The following TMIGD3 variants were observed in gnomAD, a reference collection of about 807,000 sequenced individuals.
TMIGD3 encodes the protein transmembrane and immunoglobulin domain containing 3, also known as AD026 protein (AD026).
In TMIGD3, 21 loss-of-function variants were observed where a neutral mutation model predicts 28.1. The ratio of observed to expected loss-of-function variants is 0.75; its 90% CI spans 0.53 to 1.08. TMIGD3 has a LOEUF of 1.08. Among genes scored for constraint, TMIGD3 ranks in the 50% least tolerant of loss-of-function variants. The pLI is 0.00. For synonymous variants in TMIGD3, 151 were observed against 162.1 expected, an observed-to-expected ratio of 0.93 and a Z score of 0.52; for missense variants, 416 against 435.6, an observed-to-expected ratio of 0.96 and a Z score of 0.40.
chr1:111,531,022 T>G (rs935641398), intron 1 of TMIGD3, among the ~76,000 whole-genome samples: 2 of 152,216 alleles, frequency 1.3e-5, no homozygotes, highest in Non-Finnish European at 2.9e-5. Flanking sequence ...CTTTTAAACA[T>G]TCTTTTAGGC....
chr1:111,537,843 A>G (rs1002219663), intron 1 of TMIGD3, among the ~76,000 whole-genome samples: 4 of 152,194 alleles, frequency 2.6e-5, no homozygotes, highest in African/African-American at 7.2e-5. Flanking sequence ...AATATGAAAC[A>G]TATGGGGGCT....
Position 111,485,726 on chromosome 1 carries a change from C to CAAAAAAAAAA in TMIGD3, c.973+13_973+14insTTTTTTTTTT. The CAAAAAAAAAA allele has an allele frequency of 1.2e-6, 1 of 850,658 alleles. No homozygotes were observed. The highest frequency in any genetic ancestry group is 1.9e-6 in the Non-Finnish European group (1 of 522,908). The allele number at this position is 850,658 out of a possible 1,614,324, so 52.7% of individuals were successfully genotyped here. A position where few individuals can be genotyped will look rare whatever the true frequency, so the allele number is the denominator to read the frequency against. On this transcript the variant is annotated intron_variant, in intron 5 of 5. Transcript: ENST00000369716. ...AATTCTTGCCCACCCCCTCCCTCAA[C>CAAAAAAAAAA]AATAGCTACTTACCCCTTCTATTCC...
chr1:111,509,032 T>C (rs1187311338), intron 1 of TMIGD3, among the ~76,000 whole-genome samples: 1 of 151,754 alleles, frequency 6.6e-6, no homozygotes, highest in Non-Finnish European at 1.5e-5. Context: ...GAGGCGGAGG[T>C]TGCAGTGAGG....
At chr1:111,516,945 T>C (rs1229229415) in intron 1 of TMIGD3, among the ~76,000 whole-genome samples, 1 of 152,240 alleles carries the variant, frequency 6.6e-6, no homozygotes, top group Non-Finnish European at 1.5e-5. Flanking sequence ...CTTATCTAAA[T>C]AGAGCTGTTT....
chr1:111,524,675 G>A (rs1003633338), intron 1 of TMIGD3, among the ~76,000 whole-genome samples: 7 of 151,910 alleles, frequency 4.6e-5, no homozygotes, highest in Middle Eastern at 3.4e-3. Flanking sequence ...GCTGGAGTGC[G>A]GTGGCATGAT....
chr1:111,490,151 T>C (rs1237615840), intron 2 of TMIGD3, among the ~76,000 whole-genome samples: 1 of 152,080 alleles, frequency 6.6e-6, no homozygotes, highest in Non-Finnish European at 1.5e-5. Context: ...AAGGCCAGTG[T>C]TCCAAGTCTC....
At chr1:111,519,881 T>A (rs1655997250) in intron 1 of TMIGD3, among the ~76,000 whole-genome samples, 1 of 151,918 alleles carries the variant, frequency 6.6e-6, no homozygotes, top group South Asian at 2.1e-4. Context: ...TTAATAGAGA[T>A]GGGGTTTCAC....
chr1:111,513,378 G>A (rs1655755183), intron 1 of TMIGD3, among the ~76,000 whole-genome samples: 1 of 152,228 alleles, frequency 6.6e-6, no homozygotes, highest in Admixed American at 6.5e-5. Flanking sequence ...GGAGGCACAT[G>A]AGGCCAGTAA....
intron 1 of TMIGD3, among the ~76,000 whole-genome samples, chr1:111,526,832 A>G (rs954330082): frequency 5.3e-5 from 8 of 152,036 alleles, no homozygotes; most frequent in African/African-American, 1.9e-4. Flanking sequence ...CCATCTTTTC[A>G]TCCCTCCCTG....
chr1:111,526,951 CT>C (rs1656285596), intron 1 of TMIGD3, among the ~76,000 whole-genome samples: 1 of 143,320 alleles, frequency 7.0e-6, no homozygotes, highest in South Asian at 2.2e-4. Context: ...CAGTATGTAG[CT>C]TTTTTAGATA....
At chr1:111,527,032 A>G (rs1165858125) in intron 1 of TMIGD3, among the ~76,000 whole-genome samples, 1 of 64,182 alleles carries the variant, frequency 1.6e-5, no homozygotes, top group Non-Finnish European at 2.8e-5. Flanking sequence ...TTTTTTTGAG[A>G]CTGAGTCTTG....
At chr1:111,521,136 T>C (rs1656046534) in intron 1 of TMIGD3, among the ~76,000 whole-genome samples, 1 of 152,232 alleles carries the variant, frequency 6.6e-6, no homozygotes, top group African/African-American at 2.4e-5. Context: ...ATTGTTAATG[T>C]TGAGTAGGAT....
At chr1:111,526,600 G>A (rs183569526) in intron 1 of TMIGD3, among the ~76,000 whole-genome samples, 2 of 152,144 alleles carry the variant, frequency 1.3e-5, no homozygotes, top group Non-Finnish European at 2.9e-5. Flanking sequence ...CATGAGAGTG[G>A]CACATTTATT....
intron 1 of TMIGD3, among the ~76,000 whole-genome samples, chr1:111,534,894 A>G (rs1656589400): frequency 6.6e-6 from 1 of 152,196 alleles, no homozygotes; most frequent in Non-Finnish European, 1.5e-5. Flanking sequence ...TCAGTGCATA[A>G]AGTCAATGAA....
rs1428233076 is a variant in TMIGD3 at position 111,500,095 on chromosome 1, G to A, written c.350+2910C>T. 1.9e-6 allele frequency: 3 copies of A among 1,614,178 alleles called. No homozygotes were observed. In the South Asian group the frequency reaches 3.3e-5, roughly 18 times the overall value. ...AGGGTTCATCATGGAGTTGGCATGG[G>A]ACAGCAGGATGCCCATGTACAGCAC... On this transcript the variant is annotated intron_variant, in intron 1 of 5. Coordinates refer to ENST00000369716, the MANE Select transcript of TMIGD3 (RefSeq NM_020683.7).
At chr1:111,561,072 A>G (rs1003795355) in intron 1 of TMIGD3, among the ~76,000 whole-genome samples, 2 of 152,164 alleles carry the variant, frequency 1.3e-5, no homozygotes, top group Non-Finnish European at 2.9e-5. Context: ...GAAGAAGAAA[A>G]TAATAGGACT....
intron 1 of TMIGD3, among the ~76,000 whole-genome samples, chr1:111,541,073 A>T (rs1656806620): frequency 6.6e-6 from 1 of 151,974 alleles, no homozygotes; most frequent in African/African-American, 2.4e-5. Context: ...TCTCTACTCA[A>T]CTCTGTGGTT....
intron 1 of TMIGD3, among the ~76,000 whole-genome samples, chr1:111,535,880 C>T (rs1656623293): frequency 1.3e-5 from 2 of 152,204 alleles, no homozygotes; most frequent in African/African-American, 2.4e-5. Flanking sequence ...AGACACACAA[C>T]AGCTTCATTG....
chr1:111,527,284 T>G (rs1383183605), intron 1 of TMIGD3, among the ~76,000 whole-genome samples: 1 of 152,182 alleles, frequency 6.6e-6, no homozygotes, highest in Admixed American at 6.5e-5. Flanking sequence ...AGTGCTGAGA[T>G]TACAGGCGTG....
Sources: gnomAD v4.1 joint callset for allele counts (sites outside exome capture counted in the v4.1 genomes callset) on GRCh38, gnomAD v4.1.1 for gene constraint, MANE v1.5 for transcripts, NCBI Gene and HGNC (gene_info 2026-07-23, HGNC 2026-07-21) for gene names.